DCT: variants seen among roughly 807,000 people sequenced by gnomAD.
The protein encoded by DCT is dopachrome tautomerase, also known as L-dopachrome tautomerase.
In DCT, 47 loss-of-function variants were observed where a neutral mutation model predicts 53.0. The ratio of observed to expected loss-of-function variants is 0.89; its 90% CI spans 0.70 to 1.13. DCT has a LOEUF of 1.13. Ranked by LOEUF, DCT falls within the 50% of genes most tolerant of loss-of-function variation. The pLI is 0.00. For missense variants in DCT, 669 were observed against 637.4 expected (o/e 1.05, Z -0.53); for synonymous variants, 244 against 237.0 (o/e 1.03, Z -0.27).
chr13:94,445,615 C>A, intron 6 of DCT: 1 of 778,824 alleles, frequency 1.3e-6, no homozygotes, highest in South Asian at 1.7e-5. Flanking sequence ...AAATGGTCAC[C>A]TTCAAGCCAC....
the DCT span, among the ~76,000 whole-genome samples, chr13:94,504,570 T>G: frequency 6.6e-6 from 1 of 152,244 alleles, no homozygotes; most frequent in South Asian, 2.1e-4. Context: ...GGTTTCATCT[T>G]GTTGGCCAGG....
chr13:94,461,150 T>C (rs1018630468), intron 5 of DCT, among the ~76,000 whole-genome samples: 4 of 152,352 alleles, frequency 2.6e-5, no homozygotes, highest in African/African-American at 9.6e-5. Context: ...ATTTTCTATA[T>C]GTTTGAGTTA....
rs143342146 is a variant in DCT, at chr13:94,448,050, C to G, written c.1180-4413G>C. Reference sequence around the variant, plus strand: ...ATCACATGAGCCCAGGAGTTCGAGACCAGCCCCAGCAACAGAGTGAGACCC... The same window carrying G: ...ATCACATGAGCCCAGGAGTTCGAGAGCAGCCCCAGCAACAGAGTGAGACCC... On this transcript the variant is annotated intron_variant, in intron 6 of 7. Transcript: ENST00000377028. Among the ~76,000 whole-genome samples, 9 of 152,156 alleles carry G rather than the reference C, an allele frequency of 5.9e-5. 1 individual carries two copies. Among genetic ancestry groups the G allele is most frequent in the East Asian group, 1.9e-4 (1 of 5,164 alleles).
chr13:94,461,790 C>T (rs1033131827), intron 5 of DCT, among the ~76,000 whole-genome samples: 4 of 152,072 alleles, frequency 2.6e-5, no homozygotes, highest in African/African-American at 7.2e-5. Flanking sequence ...TGGTTTTGAA[C>T]AGCTAAGTTA....
the DCT span, among the ~76,000 whole-genome samples, chr13:94,489,657 ATATGACCTCTATTTCAATGGACAGCCAG>A: frequency 6.6e-6 from 1 of 152,174 alleles, no homozygotes; most frequent in Non-Finnish European, 1.5e-5. Flanking sequence ...TCAGTAGCCC[ATATGACCTCTATTTCAATGGACAGCCAG>A]GAAGGGGTGA....
intron 1 of DCT, among the ~76,000 whole-genome samples, chr13:94,472,142 G>GC (rs1409408770): frequency 1.3e-5 from 2 of 152,198 alleles, no homozygotes; most frequent in Admixed American, 1.3e-4. Context: ...CATAACTTAT[G>GC]CCATGAATTT....
chr13:94,514,583 A>T, the DCT span, among the ~76,000 whole-genome samples: 1 of 152,208 alleles, frequency 6.6e-6, no homozygotes, highest in Admixed American at 6.5e-5. Context: ...CTGCACTTAC[A>T]TGCAAAAGCT....
Position 94,479,483 on chromosome 13 carries a change from CAG to C in DCT, c.-230_-229del. 2.1e-6 allele frequency: 1 copy of C among 470,458 alleles called. No individual in the cohort carries two copies. Among genetic ancestry groups the C allele is most frequent in the Non-Finnish European group, 3.7e-6 (1 of 268,800 alleles). The allele number at this position is 470,458 out of a possible 1,614,324, so 29.1% of individuals were successfully genotyped here. ...AATTTTATGTGATTCAAACAACTAA[CAG>C]ACTTAATTTCCTTAGAAGCGCCTCT... is the stretch of plus-strand genomic sequence containing the variant. On this transcript the variant is annotated 5_prime_UTR_variant, in exon 1 of 8. Coordinates refer to ENST00000377028, the MANE Select transcript of DCT (RefSeq NM_001922.5).
chr13:94,533,642 G>A, the DCT span, among the ~76,000 whole-genome samples: 11 of 152,050 alleles, frequency 7.2e-5, no homozygotes, highest in Non-Finnish European at 1.5e-4. Context: ...AAAATCAGCC[G>A]GGTGTGGTGG....
intron 6 of DCT, chr13:94,444,499 T>C (rs973431065): frequency 1.2e-5 from 5 of 429,060 alleles, no homozygotes; most frequent in African/African-American, 1.0e-4. Flanking sequence ...AAAGTCCTTT[T>C]AAAATATAGC....
chr13:94,484,619 A>C (rs1885586201), upstream of DCT, among the ~76,000 whole-genome samples: 1 of 152,196 alleles, frequency 6.6e-6, no homozygotes, highest in South Asian at 2.1e-4. Context: ...TCGTCTGTCA[A>C]GGCCTCTGTC....
At chr13:94,440,099 A>G (rs1882182842) in intron 7 of DCT, 23 bp from the exon 8 acceptor site, 2 of 1,595,366 alleles carry the variant, frequency 1.3e-6, no homozygotes, top group Admixed American at 1.8e-5. Flanking sequence ...AGAAGGGTCT[A>G]CAATCAGGAT....
the DCT span, among the ~76,000 whole-genome samples, chr13:94,521,422 G>A: frequency 6.6e-6 from 1 of 152,252 alleles, no homozygotes; most frequent in African/African-American, 2.4e-5. Context: ...TGTAATCCCA[G>A]CACTTTGGGA....
rs1276829081 is a variant in DCT at position 94,479,293 on chromosome 13, T to C, written c.-38A>G. 1.3e-6 allele frequency: 2 copies of C among 1,492,924 alleles called. No individual in the cohort carries two copies. Among genetic ancestry groups the C allele is most frequent in the African/African-American group, 2.8e-5 (2 of 71,460 alleles). The allele number at this position is 1,492,924 out of a possible 1,614,324, so 92.5% of individuals were successfully genotyped here. A position where few individuals can be genotyped will look rare whatever the true frequency, so the allele number is the denominator to read the frequency against. Reference sequence around the variant, plus strand: ...GGGAGAGCTCTCTCTCTCTCTTACTTTCCTTGTCTCTGTCGTACTTTTCTC... The same window carrying C: ...GGGAGAGCTCTCTCTCTCTCTTACTCTCCTTGTCTCTGTCGTACTTTTCTC... On this transcript the variant is annotated 5_prime_UTR_variant, in exon 1 of 8. Transcript: ENST00000377028.
In DCT at chr13:94,479,348, TTCAG is replaced by T. The variant is rs1885333599; in HGVS notation, c.-97_-94del. 8.6e-7 allele frequency: 1 copy of T among 1,169,476 alleles called. No individual in the cohort carries two copies. Among genetic ancestry groups the T allele is most frequent in the African/African-American group, 1.6e-5 (1 of 64,488 alleles). 72.4% of individuals were successfully genotyped at this position (1,169,476 alleles called of 1,614,324 possible). A position where few individuals can be genotyped will look rare whatever the true frequency, so the allele number is the denominator to read the frequency against. ...TCTTCTACTCTTTCAGTCTTTTCTT[TTCAG>T]TATTTTTTATTTTTCTTTGCTTTCT... On this transcript the variant is annotated 5_prime_UTR_variant, in exon 1 of 8. Transcript: ENST00000377028.
At chr13:94,466,226 T>C (rs547735768) in intron 3 of DCT, among the ~76,000 whole-genome samples, 5 of 151,662 alleles carry the variant, frequency 3.3e-5, no homozygotes, top group Non-Finnish European at 7.4e-5. Flanking sequence ...ACATAGTAGT[T>C]ACAAGGGACT....
At position 94,473,965 on chromosome 13, in the gene DCT, G is replaced by A. The variant is rs557582765; in HGVS notation, c.296-4920C>T. On this transcript the variant is annotated intron_variant, in intron 1 of 7. Transcript: ENST00000377028. ...GAAATGCTGGAGATGACTGAAAAGT[G>A]TAACAACATGAAAGCCTAGCAGACA... 3.3e-5 allele frequency among the ~76,000 whole-genome samples: 5 copies of A among 152,320 alleles called. No individual in the cohort carries two copies. The East Asian group carries it at 9.6e-4, about 29-fold the overall frequency.
chr13:94,491,086 A>G, the DCT span, among the ~76,000 whole-genome samples: 1 of 152,220 alleles, frequency 6.6e-6, no homozygotes, highest in African/African-American at 2.4e-5. Flanking sequence ...GTCAGTGAAC[A>G]AGAAAAGTCA....
At chr13:94,495,228 T>C in the DCT span, among the ~76,000 whole-genome samples, 2 of 152,230 alleles carry the variant, frequency 1.3e-5, no homozygotes, top group African/African-American at 4.8e-5. Flanking sequence ...TCCTGAGTAG[T>C]TGGGAATACA....
Sources: gnomAD v4.1 joint callset for allele counts (sites outside exome capture counted in the v4.1 genomes callset) on GRCh38, gnomAD v4.1.1 for gene constraint, MANE v1.5 for transcripts, NCBI Gene and HGNC (gene_info 2026-07-23, HGNC 2026-07-21) for gene names.